FABP1: variants seen among roughly 807,000 people sequenced by gnomAD.
FABP1 encodes the protein fatty acid-binding protein, liver.
FABP1 carries 13 observed loss-of-function variants against 13.7 expected under a neutral mutation model. That is an observed-to-expected ratio of 0.95 (90% CI 0.62 to 1.51). The LOEUF is 1.51. FABP1 is among the 40% of genes most tolerant of loss of function. FABP1 has a pLI of 0.00. For synonymous variants in FABP1, 48 were observed against 59.8 expected (o/e 0.80, Z 0.91); for missense variants, 140 against 155.7 (o/e 0.90, Z 0.54).
Position 88,126,458 on chromosome 2 carries a change from G to T in FABP1, c.68-110C>A, listed in dbSNP as rs1183405796. On this transcript the variant is annotated intron_variant, in intron 1 of 3. Coordinates refer to ENST00000295834, the MANE Select transcript of FABP1 (RefSeq NM_001443.3). ...ATGGAGGGACAGAGAAGGGCACTGT[G>T]TCTCCCAAGGGGCCACAGAAACTCA... The T allele has an allele frequency of 3.4e-5, 39 of 1,134,066 alleles. 1 individual carries two copies. In the Admixed American group the frequency reaches 7.2e-4, roughly 21 times the overall value. 70.3% of individuals were successfully genotyped at this position (1,134,066 alleles called of 1,614,324 possible).
At chr2:88,127,799 A>G (rs772830721) in intron 1 of FABP1, 152 bp downstream of exon 1, 7 of 785,694 alleles carry the variant, frequency 8.9e-6, no homozygotes, top group Non-Finnish European at 1.3e-5. Context: ...TGCTGCAAAT[A>G]ACTCCAGAAG....
At position 88,126,326 on chromosome 2, in the gene FABP1, C is replaced by G; in HGVS notation, c.90G>C (p.Gln30His). The G allele has an allele frequency of 2.5e-6, 4 of 1,613,926 alleles. No homozygotes were observed. Among genetic ancestry groups the G allele is most frequent in the Non-Finnish European group, 3.4e-6 (4 of 1,179,808 alleles). ...ACACCCCCTTGATATCCTTCCCCTT[C>G]TGGATGAGCTCTTCCGGCAGACCTG... ...KAIGLPEELI[Q>H]KGKDIKGVSE... The change falls in exon 2 of 4, where the codon CAG becomes CAC. Residue 30 changes from glutamine to histidine, a missense_variant. Transcript: ENST00000295834.
intron 2 of FABP1, among the ~76,000 whole-genome samples, chr2:88,125,550 T>C (rs1388716685): frequency 6.6e-6 from 1 of 152,178 alleles, no homozygotes; most frequent in Non-Finnish European, 1.5e-5. Flanking sequence ...CAGCTGTCAT[T>C]GCACACCATG....
At chr2:88,126,056 T>G in intron 2 of FABP1, 120 bp downstream of exon 2, 2 of 1,033,382 alleles carry the variant, frequency 1.9e-6, no homozygotes, top group Non-Finnish European at 2.8e-6. Flanking sequence ...TTCTCCCACA[T>G]GGGAGGTGGG....
rs1428800726 is a variant in FABP1 at position 88,123,043 on chromosome 2, T to C, written c.*11A>G. 1 of 1,603,422 alleles carries C rather than the reference T, an allele frequency of 6.2e-7. No individual in the cohort carries two copies. ...TTTTACACACTAAAATAATATGAAA[T>C]GCAGACTTGTTTAAATTCTCTTGCT... is the stretch of plus-strand genomic sequence containing the variant. On this transcript the variant is annotated 3_prime_UTR_variant, in exon 4 of 4. Transcript: ENST00000295834.
intron 1 of FABP1, 41 bp from the exon 2 acceptor site, chr2:88,126,389 G>A (rs780054768): frequency 1.3e-6 from 2 of 1,588,602 alleles, no homozygotes; most frequent in Non-Finnish European, 1.7e-6. Context: ...GGCAGAGGTG[G>A]GAGTTTCATG....
rs532649072 is a variant in FABP1 at position 88,123,091 on chromosome 2, C to T, written c.347G>A (p.Gly116Asp). The T allele has an allele frequency of 5.0e-6, 8 of 1,611,684 alleles. No homozygotes were observed. The East Asian group carries it at 8.9e-5, about 18-fold the overall frequency. Residue 116 changes from glycine to aspartate, a missense_variant, in exon 4 of 4, where the codon GGT becomes GAT. Gly to Asp is a moderately conservative substitution (Grantham distance 94). Coordinates refer to ENST00000295834, the MANE Select transcript of FABP1 (RefSeq NM_001443.3). ...GCTGATTCTCTTGAAGACAATGTCACCCAATGTCATGGTCTGAAAGCCAGA... is the reference window on the plus strand; with the variant it reads ...GCTGATTCTCTTGAAGACAATGTCATCCAATGTCATGGTCTGAAAGCCAGA... ...GDIITNTMTL[G>D]DIVFKRISKR...
intron 3 of FABP1, 59 bp from the exon 4 acceptor site, chr2:88,123,163 A>C: frequency 6.9e-7 from 1 of 1,448,182 alleles, no homozygotes; most frequent in Non-Finnish European, 9.5e-7. Context: ...TAAAAAACAA[A>C]ATTAAGCATA....
chr2:88,126,569 A>G (rs570111792), intron 1 of FABP1: 29 of 485,024 alleles, frequency 6.0e-5, no homozygotes, highest in East Asian at 5.5e-4. Context: ...TTGCCAGTCA[A>G]TTTATAAAAA....
intron 2 of FABP1, 91 bp downstream of exon 2, chr2:88,126,085 G>T: frequency 1.5e-6 from 2 of 1,352,384 alleles, no homozygotes; most frequent in Non-Finnish European, 2.1e-6. Context: ...TGGTATCTGT[G>T]GGTGGAATTG....
At chr2:88,125,956 G>A (rs997236444) in intron 2 of FABP1, 3 of 442,332 alleles carry the variant, frequency 6.8e-6, no homozygotes, top group Non-Finnish European at 1.2e-5. Flanking sequence ...TCAGACTTTA[G>A]GGGCTGGAAC....
intron 2 of FABP1, 115 bp downstream of exon 2, chr2:88,126,061 G>A: frequency 1.9e-6 from 2 of 1,074,104 alleles, no homozygotes; most frequent in Non-Finnish European, 2.7e-6. Flanking sequence ...CCACATGGGA[G>A]GTGGGTTCAG....
At chr2:88,126,885 G>A (rs563274263) in intron 1 of FABP1, 1 of 153,874 alleles carries the variant, frequency 6.5e-6, no homozygotes, top group South Asian at 2.0e-4. Flanking sequence ...CCCTGGGATA[G>A]AGCTTTACCA....
intron 1 of FABP1, 175 bp from the exon 2 acceptor site, chr2:88,126,523 G>T: frequency 3.2e-6 from 2 of 623,610 alleles, no homozygotes; most frequent in Non-Finnish European, 2.8e-6. Flanking sequence ...GCCTCAGAAA[G>T]GAAGGGACAG....
chr2:88,126,502 C>G (rs565696656), intron 1 of FABP1, 154 bp from the exon 2 acceptor site: 1 of 726,982 alleles, frequency 1.4e-6, no homozygotes, highest in East Asian at 2.5e-5. Context: ...TTGTCAGCAG[C>G]ATCGGCTGTG....
chr2:88,126,303 AC>A lies in FABP1; in HGVS notation c.112del (p.Val38CysfsTer21). 1 of 1,613,574 alleles carries A rather than the reference AC, an allele frequency of 6.2e-7. No homozygotes were observed. The highest frequency in any genetic ancestry group is 1.3e-5 in the African/African-American group (1 of 74,918). ...CTTCCCATTCTGCACGATTTCCGAC[AC>A]CCCCTTGATATCCTTCCCCTTCTGG... ...LIQKGKDIKG[V>X]SEIVQNGKHF... is the part of the protein sequence containing the mutation. On this transcript the variant is annotated frameshift_variant, in exon 2 of 4. Coordinates refer to ENST00000295834, the MANE Select transcript of FABP1 (RefSeq NM_001443.3). LOFTEE classifies it high-confidence loss of function.
At position 88,124,508 on chromosome 2, in the gene FABP1, C is replaced by T. The variant is rs772030208; in HGVS notation, c.319G>A (p.Asp107Asn). The T allele has an allele frequency of 2.5e-6, 4 of 1,606,388 alleles. No homozygotes were observed. The highest frequency in any genetic ancestry group is 1.3e-5 in the African/African-American group (1 of 74,536). The part of the protein sequence containing the change: ...NIKSVTELNG[D>N]IITNTMTLGD... ...CACCAACTTACATTGGTGATTATGT[C>T]GCCGTTGAGTTCGGTCACAGACTTG... Residue 107 changes from aspartate to asparagine, a missense_variant, in exon 3 of 4, where the codon GAC becomes AAC. Transcript: ENST00000295834.
intron 2 of FABP1, 117 bp from the exon 3 acceptor site, chr2:88,124,703 C>T (rs925534168): frequency 1.5e-6 from 1 of 669,982 alleles, no homozygotes; most frequent in Non-Finnish European, 2.6e-6. Context: ...TGCTCTGGTT[C>T]CTATGATCCC....
chr2:88,122,991 A>T lies in FABP1; in HGVS notation c.*63T>A, dbSNP rs547000129. 15 of 1,380,038 alleles carry T rather than the reference A, an allele frequency of 1.1e-5. No individual in the cohort carries two copies. In the East Asian group the frequency reaches 1.4e-4, roughly 13 times the overall value. 85.5% of individuals were successfully genotyped at this position (1,380,038 alleles called of 1,614,324 possible). A position where few individuals can be genotyped will look rare whatever the true frequency, so the allele number is the denominator to read the frequency against. ...AGGCATTGAGAAGACATTTTTTTTT[A>T]AAACAAAGTTCACTTTATTACATTA... On this transcript the variant is annotated 3_prime_UTR_variant, in exon 4 of 4. Coordinates refer to ENST00000295834, the MANE Select transcript of FABP1 (RefSeq NM_001443.3).
Sources: allele counts gnomAD v4.1 joint callset (sites outside exome capture counted in the v4.1 genomes callset), GRCh38; gene constraint gnomAD v4.1.1; transcripts MANE v1.5; gene names NCBI Gene and HGNC (gene_info 2026-07-23, HGNC 2026-07-21).